WWTR1: variants seen among roughly 807,000 people sequenced by gnomAD.
WWTR1 encodes the protein WW domain containing transcription regulator 1, also known as WW domain-containing transcription regulator protein 1.
In WWTR1, 13 loss-of-function variants were observed where a neutral mutation model predicts 40.1. The observed-to-expected ratio is 0.32, with a 90% CI of 0.21 to 0.52. The LOEUF is 0.52. Ranked by LOEUF, WWTR1 falls within the 20% of genes least tolerant of loss-of-function variation. The probability of loss-of-function intolerance (pLI) is 0.97; values close to 1 mark genes in which losing one functional copy is unlikely to be tolerated. For synonymous variants in WWTR1, 230 were observed against 210.1 expected (o/e 1.09, Z -0.82); for missense variants, 436 against 523.1 (o/e 0.83, Z 1.63).
chr3:149,527,823 A>T lies in WWTR1; in HGVS notation c.905+13T>A. 1 of 1,613,790 alleles carries T rather than the reference A, an allele frequency of 6.2e-7. No individual in the cohort carries two copies. The highest frequency in any genetic ancestry group is 8.5e-7 in the Non-Finnish European group (1 of 1,179,946). ...AGAGAATAAAAATAAGTGGCCCCCA[A>T]ATATTAACTTACCCATTGAGGAAAG... On this transcript the variant is annotated intron_variant, in intron 5 of 6. Coordinates refer to ENST00000360632, the MANE Select transcript of WWTR1 (RefSeq NM_015472.6).
At chr3:149,543,253 C>T (rs551671717) in intron 3 of WWTR1, among the ~76,000 whole-genome samples, 1 of 152,240 alleles carries the variant, frequency 6.6e-6, no homozygotes, top group South Asian at 2.1e-4. Flanking sequence ...CTCTATTTAT[C>T]TGCATTTAAC....
At position 149,656,953 on chromosome 3, in the gene WWTR1, G is replaced by A. The variant is rs2108163964; in HGVS notation, c.354C>T (p.Tyr118=). ...QQHAHLRQQS[Y]DVTDELPLPP... is the part of the protein sequence containing the mutation. The stretch of plus-strand genomic sequence containing the variant: ...GCAGTGGCAGCTCGTCGGTCACGTC[G>A]TAGGACTGCTGGCGGAGGTGCGCGT... The change falls in exon 2 of 7, where the codon TAC becomes TAT. Residue 118 remains tyrosine, a synonymous_variant. Coordinates refer to ENST00000360632, the MANE Select transcript of WWTR1 (RefSeq NM_015472.6). The A allele has an allele frequency of 1.3e-6, 2 of 1,594,030 alleles. No homozygotes were observed. The highest frequency in any genetic ancestry group is 4.5e-5 in the East Asian group (2 of 44,424).
intron 4 of WWTR1, among the ~76,000 whole-genome samples, chr3:149,537,077 T>A (rs1435784341): frequency 6.6e-6 from 1 of 152,240 alleles, no homozygotes; most frequent in Non-Finnish European, 1.5e-5. Context: ...GTCTGACCTG[T>A]GACTACGATT....
intron 2 of WWTR1, among the ~76,000 whole-genome samples, chr3:149,580,639 G>A (rs1364589722): frequency 6.6e-6 from 1 of 152,214 alleles, no homozygotes; most frequent in African/African-American, 2.4e-5. Flanking sequence ...TTGAGACGGA[G>A]TTTCGCTCTT....
Position 149,657,052 on chromosome 3 carries a change from G to T in WWTR1, c.255C>A (p.Val85=), listed in dbSNP as rs754767183. 3.7e-5 allele frequency: 58 copies of T among 1,574,672 alleles called. No individual in the cohort carries two copies. The highest frequency in any genetic ancestry group is 5.4e-5 in the African/African-American group (4 of 74,500). ...GGGACGCGGGCGACGAGTGCGAGCG[G>T]ACATGCTGGGCACCCCCAGCCAGTC... ...GPRLAGGAQH[V]RSHSSPASLQ... Residue 85 remains valine (V), a synonymous_variant, in exon 2 of 7, where the codon GTC becomes GTA. Transcript: ENST00000360632.
chr3:149,560,913 A>G (rs1292832341), intron 3 of WWTR1, among the ~76,000 whole-genome samples: 1 of 151,480 alleles, frequency 6.6e-6, no homozygotes, highest in Non-Finnish European at 1.5e-5. Flanking sequence ...TTAAAAATAC[A>G]CTTTTTGTGG....
At chr3:149,534,347 T>C (rs1202206071) in intron 4 of WWTR1, among the ~76,000 whole-genome samples, 1 of 152,142 alleles carries the variant, frequency 6.6e-6, no homozygotes. Flanking sequence ...TTGACAGACC[T>C]CAAATTGTCA....
chr3:149,596,066 C>A (rs1028685762), intron 2 of WWTR1, among the ~76,000 whole-genome samples: 1 of 151,854 alleles, frequency 6.6e-6, no homozygotes, highest in Non-Finnish European at 1.5e-5. Context: ...AAACAAAAAA[C>A]CAAGTTCTCC....
At chr3:149,688,609 C>A (rs2108210844) in intron 1 of WWTR1, among the ~76,000 whole-genome samples, 1 of 152,224 alleles carries the variant, frequency 6.6e-6, no homozygotes, top group South Asian at 2.1e-4. Context: ...CTTCAGTGAC[C>A]AAAGACTTAG....
At chr3:149,610,449 C>G (rs1273143183) in intron 2 of WWTR1, among the ~76,000 whole-genome samples, 2 of 152,090 alleles carry the variant, frequency 1.3e-5, no homozygotes, top group Non-Finnish European at 2.9e-5. Flanking sequence ...CTCTTATGCT[C>G]CTAAAGTTAC....
chr3:149,603,032 T>C (rs1360029980), intron 2 of WWTR1, among the ~76,000 whole-genome samples: 1 of 152,190 alleles, frequency 6.6e-6, no homozygotes, highest in Non-Finnish European at 1.5e-5. Flanking sequence ...CTTTCTACTC[T>C]AGGTTTCAAC....
In WWTR1 at chr3:149,527,819, C is replaced by T. The variant is rs1560044727; in HGVS notation, c.905+17G>A. ...ATAAAGAGAATAAAAATAAGTGGCCCCCAAATATTAACTTACCCATTGAGG... is the reference window on the plus strand; with the variant it reads ...ATAAAGAGAATAAAAATAAGTGGCCTCCAAATATTAACTTACCCATTGAGG... On this transcript the variant is annotated intron_variant, in intron 5 of 6. Transcript: ENST00000360632. 1.9e-6 allele frequency: 3 copies of T among 1,613,586 alleles called. No homozygotes were observed. Among genetic ancestry groups the T allele is most frequent in the South Asian group, 2.2e-5 (2 of 91,046 alleles).
chr3:149,609,639 T>C (rs1480172050), intron 2 of WWTR1, among the ~76,000 whole-genome samples: 1 of 152,228 alleles, frequency 6.6e-6, no homozygotes, highest in Non-Finnish European at 1.5e-5. Flanking sequence ...AGGGACTTTA[T>C]GGCCCATGAA....
chr3:149,562,273 C>T (rs1374880440), intron 3 of WWTR1, among the ~76,000 whole-genome samples: 21 of 145,648 alleles, frequency 1.4e-4, no homozygotes, highest in Admixed American at 4.8e-4. Context: ...CCAGCCTGGG[C>T]GACAGAACGA....
At chr3:149,526,670 G>A (rs138181240) in intron 5 of WWTR1, among the ~76,000 whole-genome samples, 1 of 152,304 alleles carries the variant, frequency 6.6e-6, no homozygotes, top group African/African-American at 2.4e-5. Context: ...GGTAATTCAT[G>A]TTATTCTTTG....
At chr3:149,641,063 G>C (rs577877985) in intron 2 of WWTR1, among the ~76,000 whole-genome samples, 78 of 152,180 alleles carry the variant, frequency 5.1e-4, no homozygotes, top group African/African-American at 1.9e-3. Context: ...TAAGGCATTC[G>C]ATATTATTTA....
intron 2 of WWTR1, among the ~76,000 whole-genome samples, chr3:149,594,751 C>G (rs946672597): frequency 1.3e-5 from 2 of 151,542 alleles, no homozygotes; most frequent in African/African-American, 4.9e-5. Context: ...CACACACACA[C>G]AGAGCTACAA....
At chr3:149,648,102 T>C (rs984784804) in intron 2 of WWTR1, among the ~76,000 whole-genome samples, 7 of 152,200 alleles carry the variant, frequency 4.6e-5, no homozygotes, top group African/African-American at 1.4e-4. Context: ...GAAGGTTCCA[T>C]TTATGTCTAA....
chr3:149,691,688 G>C (rs1050344690), intron 1 of WWTR1, among the ~76,000 whole-genome samples: 2 of 152,024 alleles, frequency 1.3e-5, no homozygotes, highest in African/African-American at 4.8e-5. Context: ...AAAAAACCTG[G>C]GACTCTATGG....
Sources: gnomAD v4.1 joint callset for allele counts (sites outside exome capture counted in the v4.1 genomes callset) on GRCh38, gnomAD v4.1.1 for gene constraint, MANE v1.5 for transcripts, NCBI Gene and HGNC (gene_info 2026-07-23, HGNC 2026-07-21) for gene names.